POTEF: variants seen among roughly 807,000 people sequenced by gnomAD.
POTEF encodes ANKRD26-like family C member 1B.
Under a neutral mutation model 83.2 loss-of-function variants are expected in POTEF, and 20 were observed. The ratio of observed to expected loss-of-function variants is 0.24; its 90% CI spans 0.17 to 0.35. The LOEUF (loss-of-function observed/expected upper bound fraction) is 0.35. POTEF is among the 10% of genes least tolerant of loss of function. POTEF has a pLI of 1.00. For missense variants in POTEF, 550 were observed against 1,203.2 expected, an observed-to-expected ratio of 0.46 and a Z score of 8.03; for synonymous variants, 196 against 446.4, an observed-to-expected ratio of 0.44 and a Z score of 7.07.
intron 5 of POTEF, among the ~76,000 whole-genome samples, chr2:130,112,828 TG>T (rs1684747266): frequency 6.6e-6 from 1 of 150,788 alleles, no homozygotes; most frequent in African/African-American, 2.5e-5. Context: ...TGACAAAAAA[TG>T]GTTTAGAATT....
At chr2:130,098,393 AG>A (rs1684305353) in intron 11 of POTEF, among the ~76,000 whole-genome samples, 1 of 151,594 alleles carries the variant, frequency 6.6e-6, no homozygotes, top group Non-Finnish European at 1.5e-5. Flanking sequence ...ATTCAGATTG[AG>A]GGTCCAATAT....
chr2:130,100,782 G>A (rs1684348030), intron 9 of POTEF, 62 bp from the exon 10 acceptor site: 1 of 1,578,102 alleles, frequency 6.3e-7, no homozygotes, highest in African/African-American at 1.4e-5. Context: ...GTCCTCTTTT[G>A]GAGCGCATGT....
At chr2:130,075,823 A>G (rs62165873) in intron 16 of POTEF, among the ~76,000 whole-genome samples, 74,978 of 145,082 alleles carry the variant, frequency 0.52, 20,747 homozygotes, top group Admixed American at 0.66. Context: ...AAGTTTAAAT[A>G]TTTATTTAAA....
intron 16 of POTEF, among the ~76,000 whole-genome samples, chr2:130,075,880 T>TA (rs199819951): frequency 0.016 from 2,487 of 151,042 alleles, 83 homozygotes; most frequent in African/African-American, 0.051. Flanking sequence ...ATCCCAGAAT[T>TA]AAAAAAAGCC....
At chr2:130,083,413 G>C (rs1286996833) in intron 15 of POTEF, among the ~76,000 whole-genome samples, 22 of 151,372 alleles carry the variant, frequency 1.5e-4, no homozygotes, top group Non-Finnish European at 2.5e-4. Flanking sequence ...GAAAGATGAG[G>C]AGCAGCAAGC....
At chr2:130,125,971 G>GA (rs1685081972) in intron 2 of POTEF, among the ~76,000 whole-genome samples, 1 of 151,262 alleles carries the variant, frequency 6.6e-6, no homozygotes, top group South Asian at 2.1e-4. Context: ...AGGTGGTGAT[G>GA]AACCAGGTTT....
intron 8 of POTEF, among the ~76,000 whole-genome samples, chr2:130,104,467 T>C (rs1172009779): frequency 6.7e-6 from 1 of 149,124 alleles, no homozygotes; most frequent in Non-Finnish European, 1.5e-5. Context: ...TTGTTATTTA[T>C]ATATTGCTTT....
intron 5 of POTEF, among the ~76,000 whole-genome samples, chr2:130,113,893 A>G (rs1684774665): frequency 6.6e-6 from 1 of 151,618 alleles, no homozygotes; most frequent in Non-Finnish European, 1.5e-5. Flanking sequence ...AAGGAGTAGG[A>G]GAGAGACCCA....
chr2:130,123,529 TG>T (rs1240802492), intron 2 of POTEF, among the ~76,000 whole-genome samples: 1 of 151,988 alleles, frequency 6.6e-6, no homozygotes, highest in Non-Finnish European at 1.5e-5. Context: ...GTAAATATGA[TG>T]TAGTGTATAA....
chr2:130,091,635 A>AC (rs1684130669), intron 12 of POTEF, among the ~76,000 whole-genome samples: 1 of 144,810 alleles, frequency 6.9e-6, no homozygotes, highest in East Asian at 2.2e-4. Context: ...TCAATGAACA[A>AC]AAAAACAACT....
At position 130,120,518 on chromosome 2, in the gene POTEF, G is replaced by C. The variant is rs555847900; in HGVS notation, c.-3C>G. ...ATGGAATCAACCTCAACCACCATCT[G>C]CTTTTAACAGCCAGGAGAAGCCAGT... On this transcript the variant is annotated 5_prime_UTR_variant, in exon 3 of 17. Coordinates refer to ENST00000409914, the MANE Select transcript of POTEF (RefSeq NM_001099771.2). 6.2e-7 allele frequency: 1 copy of C among 1,612,596 alleles called. No individual in the cohort carries two copies. Among genetic ancestry groups the C allele is most frequent in the East Asian group, 2.2e-5 (1 of 44,800 alleles).
At position 130,120,062 on chromosome 2, in the gene POTEF, C is replaced by G; in HGVS notation, c.454G>C (p.Val152Leu). 1 of 1,591,080 alleles carries G rather than the reference C, an allele frequency of 6.3e-7. No individual in the cohort carries two copies. The highest frequency in any genetic ancestry group is 8.5e-7 in the Non-Finnish European group (1 of 1,174,224). ...ATGACGATGAGATCCTTTCTGGGGA[C>G]TTTACCCCACCAGGCAGCTCTGTGG... Reference protein sequence around the residue: ...KLHRAAWWGKVPRKDLIVMLR... With the variant: ...KLHRAAWWGKLPRKDLIVMLR... The change falls in exon 3 of 17, where the codon GTC becomes CTC. Residue 152 changes from valine to leucine, a missense_variant. By Grantham distance (32) the Val-to-Leu change is conservative (BLOSUM62 1). Transcript: ENST00000409914.
intron 3 of POTEF, among the ~76,000 whole-genome samples, chr2:130,117,652 T>C (rs1446470800): frequency 2.0e-5 from 3 of 151,964 alleles, no homozygotes; most frequent in Admixed American, 1.3e-4. Flanking sequence ...TACATATTAG[T>C]CCATCCTATG....
chr2:130,080,144 G>GT (rs1683908445), intron 15 of POTEF, among the ~76,000 whole-genome samples: 1 of 7,396 alleles, frequency 1.4e-4, no homozygotes. Context: ...CCAAACTATT[G>GT]CGGGGGGGGG....
intron 11 of POTEF, among the ~76,000 whole-genome samples, chr2:130,095,000 A>T (rs116278786): frequency 9.9e-3 from 1,480 of 149,842 alleles, no homozygotes; most frequent in African/African-American, 0.036. Flanking sequence ...ACCAGGCAAA[A>T]CTGTTAGGAA....
chr2:130,119,003 A>AAC lies in POTEF; in HGVS notation c.521+990_521+991dup, dbSNP rs770635139. 4.0e-3 allele frequency among the ~76,000 whole-genome samples: 607 copies of AAC among 151,978 alleles called. 3 individuals carry two copies. Among genetic ancestry groups the AAC allele is most frequent in the Non-Finnish European group, 7.1e-3 (481 of 67,998 alleles). On this transcript the variant is annotated intron_variant, in intron 3 of 16. Coordinates refer to ENST00000409914, the MANE Select transcript of POTEF (RefSeq NM_001099771.2). ...TAGTAAACAATTTGTGGAAATAAAT[A>AAC]ACATGCACATTTTGATATCTGGAAA... is the stretch of plus-strand genomic sequence containing the variant.
chr2:130,128,602 C>T (rs1245668292), intron 1 of POTEF, among the ~76,000 whole-genome samples: 2 of 149,690 alleles, frequency 1.3e-5, no homozygotes, highest in African/African-American at 4.9e-5. Context: ...GTGCCCACAA[C>T]CTGACCCAGC....
Position 130,120,763 on chromosome 2 carries a change from C to G in POTEF, c.-93-155G>C, listed in dbSNP as rs558043360. 1.2e-5 allele frequency: 9 copies of G among 768,778 alleles called. No homozygotes were observed. The African/African-American group carries it at 1.3e-4, about 11-fold the overall frequency. 47.6% of individuals were successfully genotyped at this position (768,778 alleles called of 1,614,324 possible). ...CACGCCCACCCCAGAAAGGGCCAACCCCCGCCCCCAAGAAAACACCCAGCC... is the reference window on the plus strand; with the variant it reads ...CACGCCCACCCCAGAAAGGGCCAACGCCCGCCCCCAAGAAAACACCCAGCC... On this transcript the variant is annotated intron_variant, in intron 2 of 16. Transcript: ENST00000409914.
chr2:130,122,217 C>T (rs2122980), intron 2 of POTEF, among the ~76,000 whole-genome samples: 80,686 of 146,004 alleles, frequency 0.55, 22,887 homozygotes, highest in Admixed American at 0.68. Flanking sequence ...TTAATCCACT[C>T]CAAAATTCAT....
Sources: allele counts gnomAD v4.1 joint callset (sites outside exome capture counted in the v4.1 genomes callset), GRCh38; gene constraint gnomAD v4.1.1; transcripts MANE v1.5; gene names NCBI Gene and HGNC (gene_info 2026-07-23, HGNC 2026-07-21).